KIFAP3: variants seen among roughly 807,000 people sequenced by gnomAD.
The protein encoded by KIFAP3 is kinesin associated protein 3, also known as kinesin-associated protein 3.
In KIFAP3, 68 loss-of-function variants were observed where a neutral mutation model predicts 106.5. The ratio of observed to expected loss-of-function variants is 0.64; its 90% CI spans 0.53 to 0.78. The LOEUF (loss-of-function observed/expected upper bound fraction) is 0.78. Ranked by LOEUF, KIFAP3 falls within the 30% of genes least tolerant of loss-of-function variation. The pLI, the probability that KIFAP3 is intolerant of heterozygous loss-of-function variation, is 0.00. For synonymous variants in KIFAP3, 320 were observed against 311.5 expected (o/e 1.03, Z -0.29); for missense variants, 780 against 941.8 (o/e 0.83, Z 2.25).
chr1:170,016,382 G>T (rs752894177), intron 10 of KIFAP3, 80 bp downstream of exon 10: 9 of 1,070,858 alleles, frequency 8.4e-6, no homozygotes, highest in Non-Finnish European at 1.2e-5. Flanking sequence ...TTGTTCAGGA[G>T]GCTTTTCAAC....
chr1:169,944,541 G>T (rs1571535860), intron 19 of KIFAP3, among the ~76,000 whole-genome samples: 1 of 152,140 alleles, frequency 6.6e-6, no homozygotes, highest in Non-Finnish European at 1.5e-5. Flanking sequence ...TTTCAGCCCC[G>T]TTTGTGTTAC....
intron 8 of KIFAP3, among the ~76,000 whole-genome samples, chr1:170,027,637 T>C (rs1023555398): frequency 2.0e-5 from 3 of 151,762 alleles, no homozygotes; most frequent in Admixed American, 6.6e-5. Context: ...TCACAGAAAC[T>C]ATCCAAAATT....
At chr1:169,930,151 C>G (rs1663381420) in intron 19 of KIFAP3, among the ~76,000 whole-genome samples, 1 of 152,088 alleles carries the variant, frequency 6.6e-6, no homozygotes. Flanking sequence ...CTTTTTGATA[C>G]TATATCATTG....
intron 8 of KIFAP3, 123 bp from the exon 9 acceptor site, chr1:170,024,719 T>A (rs1292896811): frequency 1.2e-5 from 6 of 509,678 alleles, no homozygotes; most frequent in Non-Finnish European, 2.0e-5. Context: ...ATTTTGAAAA[T>A]TTTAACTGGT....
At chr1:169,940,707 G>C (rs1306051758) in intron 19 of KIFAP3, among the ~76,000 whole-genome samples, 1 of 152,202 alleles carries the variant, frequency 6.6e-6, no homozygotes, top group Non-Finnish European at 1.5e-5. Context: ...TTCCCAACAG[G>C]CCATGGACAG....
intron 8 of KIFAP3, among the ~76,000 whole-genome samples, chr1:170,027,531 T>C (rs1669176346): frequency 6.6e-6 from 1 of 152,096 alleles, no homozygotes; most frequent in Admixed American, 6.6e-5. Context: ...CAAACTTCTA[T>C]CACTGAAAAC....
At chr1:170,035,675 A>G (rs1571706490) in intron 5 of KIFAP3, 122 bp from the exon 6 acceptor site, 1 of 558,440 alleles carries the variant, frequency 1.8e-6, no homozygotes, top group East Asian at 3.2e-5. Context: ...GACAAAAAGT[A>G]GGATGCTTCT....
Position 169,938,880 on chromosome 1 carries a change from T to C in KIFAP3, c.2273+15131A>G, listed in dbSNP as rs186009259. On this transcript the variant is annotated intron_variant, in intron 19 of 19. Coordinates refer to ENST00000361580, the MANE Select transcript of KIFAP3 (RefSeq NM_014970.4). ...CCAGTTAAGCACAAAGGTGACAAAG[T>C]GCGAAAGAACTTGGTGAATGTCTGG... 1.1e-4 allele frequency among the ~76,000 whole-genome samples: 16 copies of C among 152,154 alleles called. No individual in the cohort carries two copies. The East Asian group carries it at 2.9e-3, about 28-fold the overall frequency.
chr1:170,005,069 A>G (rs1204839186), intron 10 of KIFAP3, among the ~76,000 whole-genome samples: 2 of 152,076 alleles, frequency 1.3e-5, no homozygotes, highest in East Asian at 3.9e-4. Flanking sequence ...ACACTTCTCA[A>G]AAGAAGACAT....
At chr1:170,002,125 A>G (rs564623431) in intron 10 of KIFAP3, among the ~76,000 whole-genome samples, 1 of 152,300 alleles carries the variant, frequency 6.6e-6, no homozygotes, top group African/African-American at 2.4e-5. Context: ...AAGGGAAATC[A>G]GACTTGTCTA....
At chr1:170,032,385 G>A (rs1669461050) in intron 7 of KIFAP3, among the ~76,000 whole-genome samples, 1 of 151,682 alleles carries the variant, frequency 6.6e-6, no homozygotes, top group Non-Finnish European at 1.5e-5. Context: ...TAGTTACTAA[G>A]AACACTGGAT....
chr1:169,940,023 G>A (rs1664021664), intron 19 of KIFAP3, among the ~76,000 whole-genome samples: 1 of 152,160 alleles, frequency 6.6e-6, no homozygotes, highest in Middle Eastern at 3.2e-3. Flanking sequence ...TTTATATGTT[G>A]ACAGGAATGA....
At chr1:170,037,214 T>C (rs1043444024) in intron 5 of KIFAP3, among the ~76,000 whole-genome samples, 1 of 152,146 alleles carries the variant, frequency 6.6e-6, no homozygotes, top group Admixed American at 6.5e-5. Context: ...TTTCAAGAAT[T>C]ATCTACTTCA....
chr1:170,052,468 G>A (rs912553074), intron 2 of KIFAP3, among the ~76,000 whole-genome samples: 1 of 152,140 alleles, frequency 6.6e-6, no homozygotes, highest in Admixed American at 6.6e-5. Flanking sequence ...GAGAAAAAGA[G>A]GGACTCCTTC....
intron 18 of KIFAP3, among the ~76,000 whole-genome samples, chr1:169,957,087 T>C (rs1033071726): frequency 1.3e-5 from 2 of 152,226 alleles, no homozygotes; most frequent in Non-Finnish European, 2.9e-5. Flanking sequence ...TATCTTATTT[T>C]TTCTTAACAT....
intron 7 of KIFAP3, 70 bp downstream of exon 7, chr1:170,034,302 A>T: frequency 1.4e-6 from 2 of 1,451,230 alleles, no homozygotes; most frequent in South Asian, 1.3e-5. Flanking sequence ...AAAAGAACAA[A>T]ACCATCCCAC....
At chr1:169,965,033 A>G (rs1665534945) in intron 17 of KIFAP3, among the ~76,000 whole-genome samples, 1 of 152,172 alleles carries the variant, frequency 6.6e-6, no homozygotes, top group South Asian at 2.1e-4. Context: ...TTAATACATT[A>G]AAAAGCAAAA....
intron 17 of KIFAP3, among the ~76,000 whole-genome samples, chr1:169,963,485 T>A (rs755154956): frequency 2.6e-5 from 4 of 152,072 alleles, no homozygotes; most frequent in Non-Finnish European, 4.4e-5. Flanking sequence ...TGGGACTTCT[T>A]TTCTTTTACC....
intron 11 of KIFAP3, among the ~76,000 whole-genome samples, chr1:169,987,007 C>A (rs1326710959): frequency 6.6e-6 from 1 of 151,780 alleles, no homozygotes; most frequent in Non-Finnish European, 1.5e-5. Flanking sequence ...TAAATTAGGA[C>A]TAAATATAAA....
Sources: allele counts gnomAD v4.1 joint callset (sites outside exome capture counted in the v4.1 genomes callset), GRCh38; gene constraint gnomAD v4.1.1; transcripts MANE v1.5; gene names NCBI Gene and HGNC (gene_info 2026-07-23, HGNC 2026-07-21).